AGAP1: variants seen among roughly 807,000 people sequenced by gnomAD.
The protein encoded by AGAP1 is ArfGAP with GTPase domain, ankyrin repeat and PH domain 1.
A neutral mutation model predicts 105.3 loss-of-function variants in AGAP1; 29 were observed. The observed-to-expected ratio is 0.28, with a 90% CI of 0.21 to 0.38. The LOEUF is 0.38. Among genes scored for constraint, AGAP1 ranks in the 10% least tolerant of loss-of-function variants. The pLI is 1.00. For synonymous variants in AGAP1, 509 were observed against 485.9 expected (o/e 1.05, Z -0.63); for missense variants, 998 against 1,165.1 (o/e 0.86, Z 2.09).
At position 235,872,394 on chromosome 2, in the gene AGAP1, A is replaced by G. The variant is rs1431238338; in HGVS notation, c.1051-10951A>G. Among the ~76,000 whole-genome samples, 2 of 152,240 alleles carry G rather than the reference A, an allele frequency of 1.3e-5. No homozygotes were observed. The highest frequency in any genetic ancestry group is 6.5e-5 in the Admixed American group (1 of 15,288). The stretch of plus-strand genomic sequence containing the variant: ...AGCAGAGATGGTTTTCACATGTACA[A>G]AAGTGGCATCTGAAAGATGGACAAA... On this transcript the variant is annotated intron_variant, in intron 9 of 17. Transcript: ENST00000304032. This position sits in a 1 kb window ranked among gnomAD's most constrained non-coding sequence, Gnocchi z 4.5.
In AGAP1 at chr2:235,992,939, G is replaced by A. The variant is rs931999320; in HGVS notation, c.1645+24316G>A. On this transcript the variant is annotated intron_variant, in intron 13 of 17. Transcript: ENST00000304032. The surrounding 1 kb of genome is among the most constrained non-coding windows in gnomAD (Gnocchi z 4.8). The stretch of plus-strand genomic sequence containing the variant: ...CCTCCCTACCTGGGAGAACCTGGCT[G>A]GCCACATAGTGGAACTGGAAATGCC... Among the ~76,000 whole-genome samples the A allele has an allele frequency of 1.3e-5, 2 of 152,148 alleles. No homozygotes were observed. Among genetic ancestry groups the A allele is most frequent in the Admixed American group, 1.3e-4 (2 of 15,270 alleles).
At position 235,716,718 on chromosome 2, in the gene AGAP1, C is replaced by T. The variant is rs1448014444; in HGVS notation, c.223-839C>T. On this transcript the variant is annotated intron_variant, in intron 2 of 17. Transcript: ENST00000304032. The surrounding 1 kb of genome is among the most constrained non-coding windows in gnomAD (Gnocchi z 4.0). Reference sequence around the variant, plus strand: ...AAGGCGGCATGGGGGGTATCCAGCTCCCAAGCACAGGGAAAGGGAGGCTCC... The same window carrying T: ...AAGGCGGCATGGGGGGTATCCAGCTTCCAAGCACAGGGAAAGGGAGGCTCC... Among the ~76,000 whole-genome samples, 2 of 152,056 alleles carry T rather than the reference C, an allele frequency of 1.3e-5. No individual in the cohort carries two copies. The highest frequency in any genetic ancestry group is 2.9e-5 in the Non-Finnish European group (2 of 68,028).
intron 3 of AGAP1, among the ~76,000 whole-genome samples, chr2:235,730,882 A>G (rs547621452): frequency 1.2e-4 from 18 of 151,716 alleles, no homozygotes; most frequent in Non-Finnish European, 2.4e-4. Flanking sequence ...TTATGTGACT[A>G]TTTTTTTCTT....
rs144817423 is a variant in AGAP1, at chr2:235,564,462, A to G, written c.163+69613A>G. 1.8e-4 allele frequency among the ~76,000 whole-genome samples: 27 copies of G among 152,350 alleles called. No individual in the cohort carries two copies. In the East Asian group the frequency reaches 5.2e-3, roughly 29 times the overall value. On this transcript the variant is annotated intron_variant, in intron 1 of 17. Coordinates refer to ENST00000304032, the MANE Select transcript of AGAP1 (RefSeq NM_001037131.3). ...AGCTCCCTGCAAATTCCATGGAGCC[A>G]TCTATACTTCTGAGTATATCTTCAA...
rs1489539649 is a variant in AGAP1 at position 235,887,626 on chromosome 2, T to C, written c.1155+4177T>C. On this transcript the variant is annotated intron_variant, in intron 10 of 17. Coordinates refer to ENST00000304032, the MANE Select transcript of AGAP1 (RefSeq NM_001037131.3). This position sits in a 1 kb window ranked among gnomAD's most constrained non-coding sequence, Gnocchi z 4.1. ...GGAGCAGGGGCCTGCATTGATCTCA[T>C]ATAGCATAGCCTACAGCCCGTTCTT... Among the ~76,000 whole-genome samples the C allele has an allele frequency of 1.3e-5, 2 of 152,120 alleles. No homozygotes were observed. The highest frequency in any genetic ancestry group is 2.9e-5 in the Non-Finnish European group (2 of 68,022).
At chr2:235,604,572 CTTTTTTTTTTTTTT>C (rs1166523228) in intron 1 of AGAP1, among the ~76,000 whole-genome samples, 1 of 69,672 alleles carries the variant, frequency 1.4e-5, no homozygotes, top group African/African-American at 6.7e-5. Context: ...TTTTTATTAT[CTTTTTTTTTTTTTT>C]TTTTTTTTTT....
rs1198651689 is a variant in AGAP1, at chr2:235,977,691, C to T, written c.1645+9068C>T. ...CCTCCCAGGCCTGGCAATAATGAAA[C>T]TAGGCAGTGTTTTATCTCACAGGCA... On this transcript the variant is annotated intron_variant, in intron 13 of 17. Coordinates refer to ENST00000304032, the MANE Select transcript of AGAP1 (RefSeq NM_001037131.3). This position sits in a 1 kb window ranked among gnomAD's most constrained non-coding sequence, Gnocchi z 5.2. Among the ~76,000 whole-genome samples, 1 of 152,108 alleles carries T rather than the reference C, an allele frequency of 6.6e-6. No homozygotes were observed. Among genetic ancestry groups the T allele is most frequent in the Non-Finnish European group, 1.5e-5 (1 of 68,018 alleles).
intron 1 of AGAP1, among the ~76,000 whole-genome samples, chr2:235,686,385 A>G (rs1049119417): frequency 3.3e-5 from 5 of 151,854 alleles, no homozygotes; most frequent in Admixed American, 6.6e-5. Context: ...CAGAGCTTCT[A>G]TATTGGAATT....
In AGAP1 at chr2:235,988,034, T is replaced by C. The variant is rs1453118; in HGVS notation, c.1645+19411T>C. ...AAAACTCCTTTTGTTATTTTGTGTTTGTTCGTTTGTTCTGTTTTGTTTTTT... is the reference window on the plus strand; with the variant it reads ...AAAACTCCTTTTGTTATTTTGTGTTCGTTCGTTTGTTCTGTTTTGTTTTTT... On this transcript the variant is annotated intron_variant, in intron 13 of 17. Transcript: ENST00000304032. This position sits in a 1 kb window ranked among gnomAD's most constrained non-coding sequence, Gnocchi z 4.7. 0.54 allele frequency among the ~76,000 whole-genome samples: 82,495 copies of C among 151,676 alleles called. 22,478 individuals are homozygous for C. Among genetic ancestry groups the C allele is most frequent in the South Asian group, 0.68 (3,271 of 4,818 alleles).
intron 12 of AGAP1, among the ~76,000 whole-genome samples, chr2:235,937,902 T>G (rs1474932838): frequency 6.6e-6 from 1 of 152,246 alleles, no homozygotes; most frequent in African/African-American, 2.4e-5. Context: ...AGCCCCGATC[T>G]GGACAATGAA....
chr2:235,595,640 A>G (rs534543997), intron 1 of AGAP1, among the ~76,000 whole-genome samples: 52 of 152,160 alleles, frequency 3.4e-4, no homozygotes, highest in Non-Finnish European at 6.8e-4. Flanking sequence ...GAGATGCGTA[A>G]ACAAACTGTC....
At chr2:235,668,670 G>C (rs1575075528) in intron 1 of AGAP1, among the ~76,000 whole-genome samples, 1 of 152,180 alleles carries the variant, frequency 6.6e-6, no homozygotes, top group Non-Finnish European at 1.5e-5. Flanking sequence ...TGTGGCCTCC[G>C]ATAACATCCT....
rs950476348 is a variant in AGAP1 at position 235,976,489 on chromosome 2, G to A, written c.1645+7866G>A. 1.3e-5 allele frequency among the ~76,000 whole-genome samples: 2 copies of A among 152,180 alleles called. No homozygotes were observed. The highest frequency in any genetic ancestry group is 2.4e-5 in the African/African-American group (1 of 41,444). On this transcript the variant is annotated intron_variant, in intron 13 of 17. Transcript: ENST00000304032. The surrounding 1 kb of genome is among the most constrained non-coding windows in gnomAD (Gnocchi z 4.5). ...GCAGCCAGAACGGAAGATTCCCATC[G>A]TGATGAACCGACGCACAGAAGGATG... is the stretch of plus-strand genomic sequence containing the variant.
chr2:235,563,670 T>C (rs1944243740), intron 1 of AGAP1, among the ~76,000 whole-genome samples: 1 of 152,098 alleles, frequency 6.6e-6, no homozygotes, highest in Non-Finnish European at 1.5e-5. Context: ...TCTGGGTAAG[T>C]TCTAGGAATT....
At chr2:235,881,696 T>C (rs2050031897) in intron 9 of AGAP1, among the ~76,000 whole-genome samples, 1 of 152,222 alleles carries the variant, frequency 6.6e-6, no homozygotes, top group Admixed American at 6.5e-5. Flanking sequence ...GGCCGTCAGC[T>C]TCCTTAACAA....
At chr2:236,084,030 G>T (rs1487605017) in intron 16 of AGAP1, among the ~76,000 whole-genome samples, 5 of 152,210 alleles carry the variant, frequency 3.3e-5, no homozygotes, top group African/African-American at 1.2e-4. Flanking sequence ...AAAAGGTGCA[G>T]GAGGAAGACT....
intron 11 of AGAP1, among the ~76,000 whole-genome samples, chr2:235,920,800 C>G (rs994919475): frequency 6.6e-6 from 1 of 152,084 alleles, no homozygotes; most frequent in Admixed American, 6.5e-5. Context: ...TAAGCTTTTG[C>G]TAAAAAACTG....
At chr2:235,839,901 GA>G (rs1253759145) in intron 9 of AGAP1, among the ~76,000 whole-genome samples, 1 of 152,200 alleles carries the variant, frequency 6.6e-6, no homozygotes, top group Non-Finnish European at 1.5e-5. Context: ...CAGGATGAGA[GA>G]CTCTTATAAA....
At chr2:235,650,376 C>T (rs1046703821) in intron 1 of AGAP1, among the ~76,000 whole-genome samples, 3 of 152,170 alleles carry the variant, frequency 2.0e-5, no homozygotes, top group Middle Eastern at 3.4e-3. Flanking sequence ...TTTGTTCATT[C>T]ATTTGTTTAT....
Sources: allele counts gnomAD v4.1 joint callset (sites outside exome capture counted in the v4.1 genomes callset), GRCh38; gene constraint gnomAD v4.1.1; non-coding constraint Gnocchi (gnomAD v3.1); transcripts MANE v1.5; gene names NCBI Gene and HGNC (gene_info 2026-07-23, HGNC 2026-07-21).